Variants in ANKRD44 observed in about 807,000 individuals in gnomAD.
ANKRD44 encodes the protein serine/threonine-protein phosphatase 6 regulatory ankyrin repeat subunit B.
A neutral mutation model predicts 116.0 loss-of-function variants in ANKRD44; 35 were observed. That is an observed-to-expected ratio of 0.30 (90% CI 0.23 to 0.40). ANKRD44 has a LOEUF of 0.40. ANKRD44 is among the 10% of genes least tolerant of loss of function. ANKRD44 has a pLI of 1.00. For missense variants in ANKRD44, 1,014 were observed against 1,242.6 expected (o/e 0.82, Z 2.77); for synonymous variants, 435 against 461.8 (o/e 0.94, Z 0.74).
chr2:197,304,171 T>A (rs1252412239), intron 1 of ANKRD44, among the ~76,000 whole-genome samples: 3 of 152,054 alleles, frequency 2.0e-5, no homozygotes, highest in Admixed American at 2.0e-4. Context: ...CTGGGCGTAG[T>A]GGTGCAAGCC....
chr2:197,217,848 A>G (rs1214947641), intron 1 of ANKRD44, among the ~76,000 whole-genome samples: 1 of 152,196 alleles, frequency 6.6e-6, no homozygotes, highest in African/African-American at 2.4e-5. Flanking sequence ...TCTGTGGTTC[A>G]GCACAGAATA....
At chr2:196,986,132 C>T (rs977053066), downstream of ANKRD44, among the ~76,000 whole-genome samples, 1 of 152,174 alleles carries the variant, frequency 6.6e-6, no homozygotes, top group Non-Finnish European at 1.5e-5. Flanking sequence ...GTTCCTTTAT[C>T]TGTTTGTATT....
intron 1 of ANKRD44, among the ~76,000 whole-genome samples, chr2:197,204,914 C>T (rs1304897254): frequency 6.6e-6 from 1 of 152,200 alleles, no homozygotes; most frequent in African/African-American, 2.4e-5. Context: ...TGGGTGTTAT[C>T]AGAGAAGCAG....
chr2:197,073,578 T>C (rs970695414), intron 16 of ANKRD44, among the ~76,000 whole-genome samples: 2 of 152,214 alleles, frequency 1.3e-5, no homozygotes, highest in African/African-American at 4.8e-5. Context: ...AGATTTATCA[T>C]ATACCAGTCT....
chr2:197,164,512 C>G (rs2080055172), intron 2 of ANKRD44, among the ~76,000 whole-genome samples: 2 of 152,204 alleles, frequency 1.3e-5, no homozygotes, highest in African/African-American at 2.4e-5. Context: ...GCCCTTCCCC[C>G]ACCGCAGCGG....
At chr2:197,021,489 C>T (rs901446629) in intron 17 of ANKRD44, among the ~76,000 whole-genome samples, 3 of 152,202 alleles carry the variant, frequency 2.0e-5, no homozygotes, top group African/African-American at 7.2e-5. Context: ...TAATGATCGC[C>T]ATTCTAACTG....
intron 4 of ANKRD44, among the ~76,000 whole-genome samples, chr2:197,127,340 T>C (rs1055090113): frequency 4.6e-5 from 7 of 152,194 alleles, no homozygotes; most frequent in African/African-American, 1.7e-4. Flanking sequence ...TAATAGAAAT[T>C]TAATATAATA....
At chr2:197,029,841 A>G (rs2076670803) in intron 16 of ANKRD44, 1 of 278,420 alleles carries the variant, frequency 3.6e-6, no homozygotes, top group Non-Finnish European at 7.1e-6. Flanking sequence ...CAACCACCGA[A>G]GGAAGTTCAG....
intron 2 of ANKRD44, among the ~76,000 whole-genome samples, chr2:197,175,103 C>G (rs2697242): frequency 2.6e-5 from 4 of 151,974 alleles, no homozygotes; most frequent in African/African-American, 9.7e-5. Context: ...TTTTTTTAAA[C>G]GCACTGTCTA....
chr2:197,227,818 C>T (rs903687659), intron 1 of ANKRD44, among the ~76,000 whole-genome samples: 2 of 152,122 alleles, frequency 1.3e-5, no homozygotes, highest in African/African-American at 2.4e-5. Context: ...TAATACCTAA[C>T]CTGACTGCCC....
In ANKRD44 at chr2:197,280,687, T is replaced by C. The variant is rs550693890; in HGVS notation, c.27+29891A>G. Among the ~76,000 whole-genome samples, 337 of 152,252 alleles carry C rather than the reference T, an allele frequency of 2.2e-3. 1 individual carries two copies. Among genetic ancestry groups the C allele is most frequent in the African/African-American group, 7.9e-3 (328 of 41,550 alleles). On this transcript the variant is annotated intron_variant, in intron 1 of 27. Coordinates refer to ENST00000282272, the MANE Select transcript of ANKRD44 (RefSeq NM_001195144.2). ...CTAGGGATTGTACTACTGAACTTGATTGCTGAAAATGTAAAAGCCCATCAA... is the reference window on the plus strand; with the variant it reads ...CTAGGGATTGTACTACTGAACTTGACTGCTGAAAATGTAAAAGCCCATCAA...
At chr2:197,063,927 T>C (rs529733832) in intron 16 of ANKRD44, among the ~76,000 whole-genome samples, 4 of 152,118 alleles carry the variant, frequency 2.6e-5, no homozygotes, top group African/African-American at 9.6e-5. Flanking sequence ...CAGGCCAACA[T>C]TCAAATTCAG....
intron 21 of ANKRD44, among the ~76,000 whole-genome samples, chr2:196,972,017 G>C (rs919643579): frequency 4.6e-5 from 7 of 152,130 alleles, no homozygotes; most frequent in African/African-American, 1.7e-4. Flanking sequence ...TGTAGCCAAG[G>C]AGTGTTTGAG....
chr2:197,033,230 CAG>C (rs1230294211), intron 16 of ANKRD44, among the ~76,000 whole-genome samples: 4 of 151,822 alleles, frequency 2.6e-5, no homozygotes, highest in Non-Finnish European at 4.4e-5. Flanking sequence ...AAAGAGTCTG[CAG>C]AGAGGATTAA....
chr2:197,089,879 C>T, intron 11 of ANKRD44, 71 bp downstream of exon 11: 1 of 1,382,794 alleles, frequency 7.2e-7, no homozygotes, highest in Non-Finnish European at 1.0e-6. Flanking sequence ...CTCACTCTGA[C>T]CAGACACCTG....
At chr2:197,050,647 TCCTGACCTCAAGTGATCCACCCAC>T (rs1311038915) in intron 16 of ANKRD44, among the ~76,000 whole-genome samples, 1 of 152,104 alleles carries the variant, frequency 6.6e-6, no homozygotes, top group East Asian at 1.9e-4. Flanking sequence ...GGTCTTGAAC[TCCTGACCTCAAGTGATCCACCCAC>T]CTTGGCCTCC....
intron 2 of ANKRD44, among the ~76,000 whole-genome samples, chr2:197,171,694 C>T (rs1465836108): frequency 6.6e-6 from 1 of 152,038 alleles, no homozygotes; most frequent in African/African-American, 2.4e-5. Context: ...TTTGGGTGAT[C>T]GTCAAGTGTC....
At chr2:197,192,350 C>T (rs978337168) in intron 1 of ANKRD44, among the ~76,000 whole-genome samples, 5 of 151,994 alleles carry the variant, frequency 3.3e-5, no homozygotes, top group African/African-American at 7.2e-5. Context: ...CTGATTAGAT[C>T]GGGAAAATAA....
chr2:197,062,605 G>A (rs1023459952), intron 16 of ANKRD44, among the ~76,000 whole-genome samples: 6 of 152,142 alleles, frequency 3.9e-5, no homozygotes, highest in African/African-American at 1.4e-4. Flanking sequence ...CTGGAAAATC[G>A]GGTCACTCCC....
Sources: gnomAD v4.1 joint callset for allele counts (sites outside exome capture counted in the v4.1 genomes callset) on GRCh38, gnomAD v4.1.1 for gene constraint, MANE v1.5 for transcripts, NCBI Gene and HGNC (gene_info 2026-07-23, HGNC 2026-07-21) for gene names.